UNC45A: variants seen among roughly 807,000 people sequenced by gnomAD.
UNC45A encodes the protein protein unc-45 homolog A.
In UNC45A, 78 loss-of-function variants were observed where a neutral mutation model predicts 103.2. The observed-to-expected ratio is 0.76, with a 90% CI of 0.63 to 0.91. UNC45A has a LOEUF of 0.91. Ranked by LOEUF, UNC45A falls within the 40% of genes least tolerant of loss-of-function variation. The pLI, the probability that UNC45A is intolerant of heterozygous loss-of-function variation, is 0.00. For missense variants in UNC45A, 1,193 were observed against 1,224.8 expected (o/e 0.97, Z 0.39); for synonymous variants, 495 against 504.6 (o/e 0.98, Z 0.25).
chr15:90,942,416 T>C, intron 6 of UNC45A, 21 bp from the exon 7 acceptor site: 1 of 1,585,532 alleles, frequency 6.3e-7, no homozygotes, highest in Non-Finnish European at 8.6e-7. Context: ...AGCTTCCTTC[T>C]GTTTACCTCT....
At chr15:90,948,304 G>C (rs770968549) in intron 12 of UNC45A, 21 bp downstream of exon 12, 26 of 1,611,992 alleles carry the variant, frequency 1.6e-5, no homozygotes, top group Non-Finnish European at 2.2e-5. Flanking sequence ...GGTTCCTGCC[G>C]TCAGCCTGGG....
chr15:90,935,052 G>C, upstream of UNC45A: 1 of 572,652 alleles, frequency 1.7e-6, no homozygotes, highest in South Asian at 2.0e-5. Context: ...GTCTGGGCTG[G>C]AGCCACCGCA....
At chr15:90,944,767 A>C in intron 8 of UNC45A, 125 bp from the exon 9 acceptor site, 1 of 1,179,016 alleles carries the variant, frequency 8.5e-7, no homozygotes, top group Non-Finnish European at 1.2e-6. Flanking sequence ...GCTGCCCTGG[A>C]CACAGTTGTC....
rs1567160731 is a variant in UNC45A at position 90,949,454 on chromosome 15, C to T, written c.2006+11C>T. On this transcript the variant is annotated intron_variant, in intron 14 of 19. Transcript: ENST00000418476. ...AGAGCTGCTCTCCAGGTGAGCCAGC[C>T]TTGGTAGGAGCCAACCTTTCCCAAC... 6.2e-7 allele frequency: 1 copy of T among 1,613,272 alleles called. No homozygotes were observed. Among genetic ancestry groups the T allele is most frequent in the Non-Finnish European group, 8.5e-7 (1 of 1,179,792 alleles).
rs555216667 is a variant in UNC45A, at chr15:90,947,851, C to T, written c.1556C>T (p.Ala519Val). 3 of 1,614,102 alleles carry T rather than the reference C, an allele frequency of 1.9e-6. No homozygotes were observed. Among genetic ancestry groups the T allele is most frequent in the Non-Finnish European group, 2.5e-6 (3 of 1,180,016 alleles). ...GGTDFSMKQF[A>V]EGSTLKLAKQ... ...ACTGACTTCAGCATGAAGCAGTTTG[C>T]TGAAGGCTCCACTCTCAAACTGGCT... is the stretch of plus-strand genomic sequence containing the variant. The change falls in exon 11 of 20, where the codon GCT becomes GTT. Residue 519 changes from alanine to valine, a missense_variant. By Grantham distance (64) the Ala-to-Val change is moderately conservative. Coordinates refer to ENST00000418476, the MANE Select transcript of UNC45A (RefSeq NM_018671.5).
rs2036366297 is a variant in UNC45A, at chr15:90,942,911, G to C, written c.857-1G>C. ...CACTGATGTCTTCTTGTTGTTGCCA[G>C]ATCCTGCCCGGGAGCTGAAGGTCCT... On this transcript the variant is annotated splice_acceptor_variant, in intron 7 of 19. Transcript: ENST00000418476. LOFTEE classifies it high-confidence loss of function. The C allele has an allele frequency of 6.2e-7, 1 of 1,602,776 alleles. No individual in the cohort carries two copies. The highest frequency in any genetic ancestry group is 1.3e-5 in the African/African-American group (1 of 74,744).
At chr15:90,952,046 T>G (rs917592344) in intron 17 of UNC45A, among the ~76,000 whole-genome samples, 5 of 152,178 alleles carry the variant, frequency 3.3e-5, no homozygotes, top group African/African-American at 1.2e-4. Context: ...TAGGCCTGGT[T>G]AGAAGGCTAA....
chr15:90,934,921 C>T, upstream of UNC45A: 1 of 441,146 alleles, frequency 2.3e-6, no homozygotes, highest in African/African-American at 2.0e-5. Context: ...GGCCGGGATC[C>T]AGATACTTTT....
chr15:90,944,058 G>A (rs1002924002), intron 8 of UNC45A, among the ~76,000 whole-genome samples: 5 of 131,190 alleles, frequency 3.8e-5, no homozygotes, highest in Admixed American at 9.9e-5. Flanking sequence ...AAAAAATAAC[G>A]GTAGATATAT....
At chr15:90,948,007 A>T (rs748919468) in intron 11 of UNC45A, 117 bp downstream of exon 11, 30 of 1,504,196 alleles carry the variant, frequency 2.0e-5, no homozygotes, top group Middle Eastern at 3.7e-4. Context: ...CAGGGGCTGC[A>T]GTCTGGATCC....
At chr15:90,948,879 T>TTC (rs1291735656) in intron 13 of UNC45A, 85 bp downstream of exon 13, 9 of 1,080,862 alleles carry the variant, frequency 8.3e-6, no homozygotes, top group Non-Finnish European at 5.9e-6. Flanking sequence ...ACCTCCCTTT[T>TTC]TTTTTTTTTT....
chr15:90,953,346 A>T (rs1567164477), intron 19 of UNC45A, 36 bp downstream of exon 19: 3 of 1,595,224 alleles, frequency 1.9e-6, no homozygotes, highest in Non-Finnish European at 2.6e-6. Context: ...GGAGGGACGG[A>T]CCAGGAACTC....
chr15:90,951,371 A>G (rs986633008), intron 17 of UNC45A, among the ~76,000 whole-genome samples: 1 of 152,182 alleles, frequency 6.6e-6, no homozygotes, highest in African/African-American at 2.4e-5. Context: ...CCCGTTTCCT[A>G]TTCTGCAAAA....
In UNC45A at chr15:90,953,157, G is replaced by C; in HGVS notation, c.2424G>C (p.Val808=). 2 of 1,613,550 alleles carry C rather than the reference G, an allele frequency of 1.2e-6. No homozygotes were observed. The highest frequency in any genetic ancestry group is 1.7e-4 in the Middle Eastern group (1 of 6,058). Residue 808 remains valine (V), a splice_region_variant and synonymous_variant, in exon 19 of 20, where the codon GTG becomes GTC. Coordinates refer to ENST00000418476, the MANE Select transcript of UNC45A (RefSeq NM_018671.5). ...CCACTCCTCACATCTGGCCACAGGT[G>C]CAGGACCTCTTCGAAGCCCAGGGCA... ...CMCNLAMSKE[V]QDLFEAQGND... is the part of the protein sequence containing the mutation.
intron 5 of UNC45A, among the ~76,000 whole-genome samples, 156 bp from the exon 6 acceptor site, chr15:90,940,150 A>G (rs2036217052): frequency 6.6e-6 from 1 of 152,238 alleles, no homozygotes; most frequent in African/African-American, 2.4e-5. Flanking sequence ...CTCTATTTAC[A>G]GAGGAAGCTA....
upstream of UNC45A, chr15:90,935,252 G>A: frequency 6.9e-7 from 1 of 1,449,300 alleles, no homozygotes; most frequent in Non-Finnish European, 9.4e-7. Flanking sequence ...GGCAGCTGCC[G>A]GTGGCGTCCC....
In UNC45A at chr15:90,935,299, C is replaced by A; in HGVS notation, c.-26C>A. 2 of 1,593,258 alleles carry A rather than the reference C, an allele frequency of 1.3e-6. No individual in the cohort carries two copies. Among genetic ancestry groups the A allele is most frequent in the Non-Finnish European group, 1.7e-6 (2 of 1,172,650 alleles). On this transcript the variant is annotated 5_prime_UTR_variant, in exon 1 of 20. Coordinates refer to ENST00000418476, the MANE Select transcript of UNC45A (RefSeq NM_018671.5). ...CGCCCCGCCCCAGAGACTGCGCCTG[C>A]GCGGGCACGAGACAACCTCTCCGCG...
intron 4 of UNC45A, 31 bp downstream of exon 4, chr15:90,936,491 T>C (rs1178350646): frequency 1.2e-6 from 2 of 1,609,696 alleles, no homozygotes; most frequent in South Asian, 1.1e-5. Flanking sequence ...GGTGGAAGCA[T>C]TGACTGGTGG....
At chr15:90,934,651 C>G, upstream of UNC45A, 1 of 398,320 alleles carries the variant, frequency 2.5e-6, no homozygotes, top group Non-Finnish European at 4.4e-6. Context: ...AACTTACAGA[C>G]TAGTGAAGGG....
Sources: allele counts gnomAD v4.1 joint callset (sites outside exome capture counted in the v4.1 genomes callset), GRCh38; gene constraint gnomAD v4.1.1; transcripts MANE v1.5; gene names NCBI Gene and HGNC (gene_info 2026-07-23, HGNC 2026-07-21).